ZBED4: variants seen among roughly 807,000 people sequenced by gnomAD.
The protein encoded by ZBED4 is zinc finger BED domain-containing protein 4.
In ZBED4, 4 loss-of-function variants were observed where a neutral mutation model predicts 15.5. The observed-to-expected ratio is 0.26, with a 90% CI of 0.13 to 0.59. ZBED4 has a LOEUF of 0.59. Ranked by LOEUF, ZBED4 falls within the 20% of genes least tolerant of loss-of-function variation. ZBED4 has a pLI of 0.90. For synonymous variants in ZBED4, 692 were observed against 608.5 expected (o/e 1.14, Z -2.02); for missense variants, 1,323 against 1,461.8 (o/e 0.91, Z 1.55).
chr22:49,853,551 G>A (rs1183404355), upstream of ZBED4, among the ~76,000 whole-genome samples: 6 of 151,990 alleles, frequency 3.9e-5, no homozygotes, highest in African/African-American at 1.4e-4. Flanking sequence ...CCCGCGCCCC[G>A]CCCAGCCAGA....
At chr22:49,862,693 C>CTTT (rs66520307) in intron 1 of ZBED4, among the ~76,000 whole-genome samples, 812 of 59,020 alleles carry the variant, frequency 0.014, 90 homozygotes, top group African/African-American at 0.044. Context: ...TAAGTTTTTC[C>CTTT]TTTTTTTTTT....
chr22:49,885,742 C>G lies in ZBED4; in HGVS notation c.2080C>G (p.Leu694Val), dbSNP rs1358319635. Reference protein sequence around the residue: ...LLEYLKPQYSLPAPSYFSRTA... With the variant: ...LLEYLKPQYSVPAPSYFSRTA... Reference sequence around the variant, plus strand: ...TGAATACTTGAAACCTCAGTACTCCCTCCCCGCCCCTTCCTACTTCTCCAG... The same window carrying G: ...TGAATACTTGAAACCTCAGTACTCCGTCCCCGCCCCTTCCTACTTCTCCAG... The change falls in exon 2 of 2, where the codon CTC (leucine) becomes GTC (valine). Residue 694 changes from leucine to valine, a missense_variant. Coordinates refer to ENST00000216268, the MANE Select transcript of ZBED4 (RefSeq NM_014838.3). The G allele has an allele frequency of 1.2e-6, 2 of 1,603,558 alleles. No individual in the cohort carries two copies. The highest frequency in any genetic ancestry group is 1.7e-6 in the Non-Finnish European group (2 of 1,172,810).
At chr22:49,879,154 CAAAA>C (rs1211905278) in intron 1 of ZBED4, among the ~76,000 whole-genome samples, 68 of 143,328 alleles carry the variant, frequency 4.7e-4, no homozygotes, top group Non-Finnish European at 5.8e-4. Context: ...AAAAAAAAAA[CAAAA>C]AACAAAAAAA....
chr22:49,863,829 C>G (rs2060308379), intron 1 of ZBED4, among the ~76,000 whole-genome samples: 1 of 152,158 alleles, frequency 6.6e-6, no homozygotes, highest in African/African-American at 2.4e-5. Context: ...CCAGAGGCGA[C>G]CAGTTAGGGA....
chr22:49,865,178 A>G (rs2147510957), intron 1 of ZBED4, among the ~76,000 whole-genome samples: 1 of 152,266 alleles, frequency 6.6e-6, no homozygotes, highest in South Asian at 2.1e-4. Flanking sequence ...GCAACTCTGC[A>G]CAGCAGTTAC....
In ZBED4 at chr22:49,883,863, C is replaced by T. The variant is rs1479191810; in HGVS notation, c.201C>T (p.Ser67=). Reference sequence around the variant, plus strand: ...CGGGCCTCGGTGGGACGGGTTGCAGCTGCAAGCCCCCGGGGAAGTACTTGT... The same window carrying T: ...CGGGCCTCGGTGGGACGGGTTGCAGTTGCAAGCCCCCGGGGAAGTACTTGT... The part of the protein sequence containing the change: ...ERAGLGGTGC[S]CKPPGKYLSA... The change falls in exon 2 of 2, where the codon AGC becomes AGT. Residue 67 remains serine (S), a synonymous_variant. Coordinates refer to ENST00000216268, the MANE Select transcript of ZBED4 (RefSeq NM_014838.3). 6.2e-7 allele frequency: 1 copy of T among 1,607,276 alleles called. No homozygotes were observed.
At position 49,887,040 on chromosome 22, in the gene ZBED4, A is replaced by G. The variant is rs9627781; in HGVS notation, c.3378A>G (p.Pro1126=). The G allele has an allele frequency of 6.2e-7, 1 of 1,614,066 alleles. No individual in the cohort carries two copies. The change falls in exon 2 of 2, where the codon CCA becomes CCG. Residue 1126 remains proline, a synonymous_variant. Coordinates refer to ENST00000216268, the MANE Select transcript of ZBED4 (RefSeq NM_014838.3). ...ALAVRFLGCP[P]SIVPSEKLFN... ...CCGTCAGATTTTTGGGCTGCCCCCCAAGCATCGTCCCTTCAGAAAAGCTGT... is the reference window on the plus strand; with the variant it reads ...CCGTCAGATTTTTGGGCTGCCCCCCGAGCATCGTCCCTTCAGAAAAGCTGT...
chr22:49,872,508 G>A (rs6009335), intron 1 of ZBED4, among the ~76,000 whole-genome samples: 22,462 of 151,936 alleles, frequency 0.15, 4,511 homozygotes, highest in African/African-American at 0.46. Flanking sequence ...GTATTTTCCC[G>A]TCCCAGGAAT....
chr22:49,874,750 G>A (rs1048902300), intron 1 of ZBED4, among the ~76,000 whole-genome samples: 1 of 126,732 alleles, frequency 7.9e-6, no homozygotes, highest in African/African-American at 3.2e-5. Flanking sequence ...CTCGATCTCA[G>A]CTCACTGCAC....
At chr22:49,864,857 G>A (rs904904391) in intron 1 of ZBED4, among the ~76,000 whole-genome samples, 8 of 139,880 alleles carry the variant, frequency 5.7e-5, no homozygotes, top group South Asian at 2.3e-4. Context: ...TTAAACCGTC[G>A]TAGAGCTGAA....
Position 49,886,387 on chromosome 22 carries a change from A to G in ZBED4, c.2725A>G (p.Ile909Val), listed in dbSNP as rs755604335. Residue 909 changes from isoleucine to valine, a missense_variant, in exon 2 of 2, where the codon ATT (isoleucine) becomes GTT (valine). Around this residue, in one of 6 missense-constraint regions of ZBED4, gnomAD observed 312 missense variants for 410.7 expected, o/e 0.76. Coordinates refer to ENST00000216268, the MANE Select transcript of ZBED4 (RefSeq NM_014838.3). The surrounding 1 kb of genome is among the most constrained non-coding windows in gnomAD (Gnocchi z 7.7). ...GCGGCTCATTGAGCAGAAAAGGGCC[A>G]TTAACGAGATGTCCGTCGAGTGTAA... ...LERLIEQKRA[I>V]NEMSVECNFR... 4 of 1,609,464 alleles carry G rather than the reference A, an allele frequency of 2.5e-6. No individual in the cohort carries two copies. Among genetic ancestry groups the G allele is most frequent in the Non-Finnish European group, 3.4e-6 (4 of 1,176,688 alleles).
At chr22:49,855,736 C>G (rs1226856766) in intron 1 of ZBED4, among the ~76,000 whole-genome samples, 1 of 152,140 alleles carries the variant, frequency 6.6e-6, no homozygotes, top group African/African-American at 2.4e-5. Flanking sequence ...GTCTCATTCT[C>G]TTTGGTGTGG....
chr22:49,860,990 G>A (rs1340704989), intron 1 of ZBED4, among the ~76,000 whole-genome samples: 1 of 60,950 alleles, frequency 1.6e-5, no homozygotes, highest in African/African-American at 3.2e-5. Context: ...TGTTGCCCAG[G>A]CTGGTCTCGA....
chr22:49,884,420 G>A lies in ZBED4; in HGVS notation c.758G>A (p.Gly253Glu). 6.2e-7 allele frequency: 1 copy of A among 1,613,860 alleles called. No homozygotes were observed. The highest frequency in any genetic ancestry group is 1.1e-5 in the South Asian group (1 of 91,052). Reference sequence around the variant, plus strand: ...TGCGGCAGAGAAGAAGCCCTGGTGGGGTCGTCTCCCCACCTCCCTGCTCTC... The same window carrying A: ...TGCGGCAGAGAAGAAGCCCTGGTGGAGTCGTCTCCCCACCTCCCTGCTCTC... ...EKCGREEALV[G>E]SSPHLPALHY... The change falls in exon 2 of 2, where the codon GGG (glycine) becomes GAG (glutamate). Residue 253 changes from glycine (G) to glutamate (E), a missense_variant. Gly to Glu is a moderately conservative substitution (Grantham distance 98, BLOSUM62 -2). Around this residue, in one of 6 missense-constraint regions of ZBED4, gnomAD observed 380 missense variants for 413.7 expected, o/e 0.92. Transcript: ENST00000216268.
intron 1 of ZBED4, among the ~76,000 whole-genome samples, chr22:49,881,059 T>A (rs2060407037): frequency 6.6e-6 from 1 of 152,228 alleles, no homozygotes. Context: ...AATGTTTCAT[T>A]TTCTGGCCAG....
At chr22:49,871,725 T>G (rs577640887) in intron 1 of ZBED4, among the ~76,000 whole-genome samples, 13 of 149,690 alleles carry the variant, frequency 8.7e-5, no homozygotes, top group Non-Finnish European at 1.3e-4. Context: ...TGCTGAAGGG[T>G]GGGGTGGCTG....
At chr22:49,864,181 G>A (rs552549675) in intron 1 of ZBED4, among the ~76,000 whole-genome samples, 17 of 152,318 alleles carry the variant, frequency 1.1e-4, no homozygotes, top group South Asian at 2.1e-4. Flanking sequence ...ACGGCAGGGC[G>A]TTCACATGGG....
chr22:49,885,286 C>G lies in ZBED4; in HGVS notation c.1624C>G (p.Pro542Ala), dbSNP rs1472419652. Residue 542 changes from proline to alanine, a missense_variant, in exon 2 of 2, where the codon CCA (proline) becomes GCA (alanine). Pro to Ala is a conservative substitution (Grantham distance 27). This residue lies in a region of ZBED4 where 429 missense variants were observed against 397.9 expected (regional missense o/e 1.08). Transcript: ENST00000216268. ...TTCCTCTTCCAAATTGACTGACTTGCCAACAGTGGTCACAAAAAACAATCA... is the reference window on the plus strand; with the variant it reads ...TTCCTCTTCCAAATTGACTGACTTGGCAACAGTGGTCACAAAAAACAATCA... ...ESSSSKLTDLPTVVTKNNQVM... is the reference protein window; with the variant it reads ...ESSSSKLTDLATVVTKNNQVM... 4 of 1,594,828 alleles carry G rather than the reference C, an allele frequency of 2.5e-6. No individual in the cohort carries two copies. Among genetic ancestry groups the G allele is most frequent in the Non-Finnish European group, 3.4e-6 (4 of 1,168,562 alleles).
At position 49,884,277 on chromosome 22, in the gene ZBED4, C is replaced by T. The variant is rs372789246; in HGVS notation, c.615C>T (p.Pro205=). ...GTGACCTCAGCACCATCCTCTCACC[C>T]ATCAAACTTGTCCAGAAAGTGGCGT... is the stretch of plus-strand genomic sequence containing the variant. ...DAGDLSTILS[P]IKLVQKVASK... is the part of the protein sequence containing the mutation. Residue 205 remains proline (P), a synonymous_variant, in exon 2 of 2, where the codon CCC becomes CCT. Transcript: ENST00000216268. 3.1e-6 allele frequency: 5 copies of T among 1,611,690 alleles called. No homozygotes were observed. Among genetic ancestry groups the T allele is most frequent in the Admixed American group, 1.7e-5 (1 of 59,820 alleles).
Sources: gnomAD v4.1 joint callset for allele counts (sites outside exome capture counted in the v4.1 genomes callset) on GRCh38, gnomAD v4.1.1 for gene constraint, gnomAD v4.1.1 regional missense constraint, Gnocchi (gnomAD v3.1) non-coding constraint, MANE v1.5 for transcripts, NCBI Gene and HGNC (gene_info 2026-07-23, HGNC 2026-07-21) for gene names.